NLRP7: variants seen among roughly 807,000 people sequenced by gnomAD.
The protein encoded by NLRP7 is NACHT, LRR and PYD domains-containing protein 7.
Under a neutral mutation model 85.5 loss-of-function variants are expected in NLRP7, and 72 were observed. The ratio of observed to expected loss-of-function variants is 0.84; its 90% CI spans 0.70 to 1.02. NLRP7 has a LOEUF of 1.02. NLRP7 is among the 50% of genes least tolerant of loss of function. The probability of loss-of-function intolerance (pLI) is 0.00; values close to 1 mark genes in which losing one functional copy is unlikely to be tolerated. For missense variants in NLRP7, 1,243 were observed against 1,219.5 expected (o/e 1.02, Z -0.29); for synonymous variants, 550 against 505.2 (o/e 1.09, Z -1.19).
chr19:54,952,288 A>G (rs956186289), upstream of NLRP7, among the ~76,000 whole-genome samples: 1 of 151,806 alleles, frequency 6.6e-6, no homozygotes, highest in Non-Finnish European at 1.5e-5. Context: ...GCCCACACCA[A>G]AACACTTAAA....
intron 9 of NLRP7, among the ~76,000 whole-genome samples, chr19:54,929,008 G>T (rs961885632): frequency 6.6e-6 from 1 of 152,102 alleles, no homozygotes; most frequent in Non-Finnish European, 1.5e-5. Context: ...GAGCTTTTGA[G>T]TCTTTGGAAA....
intron 8 of NLRP7, among the ~76,000 whole-genome samples, chr19:54,931,239 T>C (rs752379938): frequency 2.0e-5 from 3 of 152,002 alleles, no homozygotes; most frequent in African/African-American, 4.8e-5. Flanking sequence ...CTGGCCAACA[T>C]GGTGAAACCC....
chr19:54,939,249 C>T, exon 4 of NLRP7: 3 of 1,614,172 alleles, frequency 1.9e-6, no homozygotes, highest in Non-Finnish European at 2.5e-6. Flanking sequence ...TTAGCGAGGC[C>T]GAATAAGAAG....
intron 1 of NLRP7, among the ~76,000 whole-genome samples, chr19:54,955,200 G>C (rs569856511): frequency 4.0e-5 from 6 of 151,814 alleles, no homozygotes; most frequent in African/African-American, 7.3e-5. Flanking sequence ...GTGGTGGTGC[G>C]TGCCTGTAAT....
chr19:54,962,185 T>C (rs1393968196), intron 1 of NLRP7, among the ~76,000 whole-genome samples: 1 of 144,988 alleles, frequency 6.9e-6, no homozygotes, highest in Admixed American at 7.1e-5. Context: ...AAAGAAAAAA[T>C]GAAAAAGAAT....
At position 54,938,874 on chromosome 19, in the gene NLRP7, A is replaced by G; in HGVS notation, c.1931+14T>C. The G allele has an allele frequency of 6.2e-7, 1 of 1,613,582 alleles. No homozygotes were observed. The highest frequency in any genetic ancestry group is 8.5e-7 in the Non-Finnish European group (1 of 1,179,876). On this transcript the variant is annotated intron_variant, in intron 4 of 9. Transcript: ENST00000340844. ...TCTTCCTAGTGGAGCGTGGGATGGG[A>G]AAACAGTTCTTACCTTTCAAATTCA...
At position 54,930,671 on chromosome 19, in the gene NLRP7, A is replaced by C. The variant is rs753986364; in HGVS notation, c.2643-5T>G. The C allele has an allele frequency of 6.2e-7, 1 of 1,613,024 alleles. No homozygotes were observed. Among genetic ancestry groups the C allele is most frequent in the Admixed American group, 1.7e-5 (1 of 60,022 alleles). Reference sequence around the variant, plus strand: ...GTTATGCTGCATTGCTGTAACCTACAGGATAATCAAAGGAAGAGAAGCCTG... The same window carrying C: ...GTTATGCTGCATTGCTGTAACCTACCGGATAATCAAAGGAAGAGAAGCCTG... On this transcript the variant is annotated splice_polypyrimidine_tract_variant and splice_region_variant and intron_variant, in intron 8 of 9. Coordinates refer to ENST00000340844, the Ensembl canonical transcript of NLRP7.
At chr19:54,939,508 C>T (rs761705560) in exon 4 of NLRP7, 4 of 1,613,724 alleles carry the variant, frequency 2.5e-6, no homozygotes, top group Non-Finnish European at 3.4e-6. Context: ...GCACCCCGAG[C>T]CTTTCCAGGT....
chr19:54,940,834 A>G, intron 3 of NLRP7, 97 bp downstream of exon 3: 6 of 895,168 alleles, frequency 6.7e-6, no homozygotes, highest in Non-Finnish European at 9.4e-6. Context: ...CTCAAAAAAA[A>G]AAAAAACTAC....
intron 9 of NLRP7, among the ~76,000 whole-genome samples, chr19:54,930,041 G>A (rs1029408626): frequency 1.3e-5 from 2 of 150,646 alleles, no homozygotes; most frequent in African/African-American, 2.4e-5. Context: ...CGAGAACCCG[G>A]GAGGAAGAGG....
intron 1 of NLRP7, among the ~76,000 whole-genome samples, chr19:54,943,789 T>C (rs991973072): frequency 1.3e-5 from 2 of 152,006 alleles, no homozygotes; most frequent in East Asian, 1.9e-4. Flanking sequence ...TAGAAAGAAA[T>C]AGACATAAGA....
At chr19:54,938,744 T>A in intron 4 of NLRP7, 144 bp downstream of exon 4, 1 of 927,390 alleles carries the variant, frequency 1.1e-6, no homozygotes, top group Non-Finnish European at 1.7e-6. Flanking sequence ...AAAGCCCCAA[T>A]TCCTAATTGC....
At chr19:54,938,090 G>A (rs775317800) in exon 5 of NLRP7, 2 of 1,614,132 alleles carry the variant, frequency 1.2e-6, no homozygotes, top group Non-Finnish European at 1.7e-6. Flanking sequence ...TGGTCACAAA[G>A]AATCCGCACA....
intron 1 of NLRP7, among the ~76,000 whole-genome samples, chr19:54,944,565 CTTTCTGTGTACTT>C (rs1416596083): frequency 6.6e-6 from 1 of 152,020 alleles, no homozygotes; most frequent in African/African-American, 2.4e-5. Context: ...GCCCACTTTT[CTTTCTGTGTACTT>C]TGTCTCTGTG....
upstream of NLRP7, among the ~76,000 whole-genome samples, chr19:54,949,673 A>G (rs746106068): frequency 1.3e-5 from 2 of 152,132 alleles, no homozygotes; most frequent in Admixed American, 1.3e-4. Flanking sequence ...CAGTGATTAG[A>G]CATTGGGAAC....
intron 1 of NLRP7, among the ~76,000 whole-genome samples, chr19:54,955,226 G>A (rs1441938608): frequency 6.6e-6 from 1 of 151,980 alleles, no homozygotes; most frequent in Non-Finnish European, 1.5e-5. Context: ...CTACTCAGGA[G>A]GCTGAGGCAG....
chr19:54,959,321 T>C (rs2069960512), intron 1 of NLRP7, among the ~76,000 whole-genome samples: 1 of 150,252 alleles, frequency 6.7e-6, no homozygotes, highest in Non-Finnish European at 1.5e-5. Context: ...GTATTTTTAA[T>C]AGAGACGGGG....
intron 1 of NLRP7, among the ~76,000 whole-genome samples, chr19:54,946,674 C>G (rs1300759645): frequency 6.8e-6 from 1 of 147,686 alleles, no homozygotes; most frequent in Non-Finnish European, 1.5e-5. Context: ...GAGTCGCACT[C>G]TGTCTCCCAG....
chr19:54,934,204 G>A lies in NLRP7; in HGVS notation c.2471+285C>T, dbSNP rs1004604725. On this transcript the variant is annotated intron_variant, in intron 7 of 9. Coordinates refer to ENST00000340844, the Ensembl canonical transcript of NLRP7. This position sits in a 1 kb window ranked among gnomAD's most constrained non-coding sequence, Gnocchi z 6.7. ...GATCTCCCCGCCTTGGCCTCCCAACGTGCTGGGATTACAGGCATGAGCCAC... is the reference window on the plus strand; with the variant it reads ...GATCTCCCCGCCTTGGCCTCCCAACATGCTGGGATTACAGGCATGAGCCAC... Among the ~76,000 whole-genome samples the A allele has an allele frequency of 2.0e-5, 3 of 152,126 alleles. No individual in the cohort carries two copies. The highest frequency in any genetic ancestry group is 1.9e-4 in the East Asian group (1 of 5,188).
Sources: allele counts gnomAD v4.1 joint callset (sites outside exome capture counted in the v4.1 genomes callset), GRCh38; gene constraint gnomAD v4.1.1; non-coding constraint Gnocchi (gnomAD v3.1); transcripts MANE v1.5; gene names NCBI Gene and HGNC (gene_info 2026-07-23, HGNC 2026-07-21).